Variants in RBFOX1 observed in about 807,000 individuals in gnomAD.
RBFOX1 encodes the protein RNA binding protein fox-1 homolog 1.
A neutral mutation model predicts 57.7 loss-of-function variants in RBFOX1; 8 were observed. That is an observed-to-expected ratio of 0.14 (90% CI 0.08 to 0.25). The LOEUF is 0.25. Ranked by LOEUF, RBFOX1 falls within the 10% of genes least tolerant of loss-of-function variation. RBFOX1 has a pLI of 1.00. For synonymous variants in RBFOX1, 326 were observed against 222.4 expected, an observed-to-expected ratio of 1.47 and a Z score of -4.15; for missense variants, 611 against 548.5, an observed-to-expected ratio of 1.11 and a Z score of -1.14.
At chr16:5,778,868 A>C (rs2054235406) in intron 3 of RBFOX1, among the ~76,000 whole-genome samples, 5 of 152,134 alleles carry the variant, frequency 3.3e-5, no homozygotes, top group Admixed American at 2.6e-4. Flanking sequence ...TGTTATTGTC[A>C]TCTGCCTGAT....
At chr16:5,746,460 T>G (rs2052985956) in intron 3 of RBFOX1, among the ~76,000 whole-genome samples, 1 of 152,220 alleles carries the variant, frequency 6.6e-6, no homozygotes, top group South Asian at 2.1e-4. Flanking sequence ...AAGTAGTTTT[T>G]TCCAATTCTG....
At chr16:5,298,019 C>T (rs925690971) in intron 1 of RBFOX1, among the ~76,000 whole-genome samples, 1 of 148,942 alleles carries the variant, frequency 6.7e-6, no homozygotes. Context: ...ATGTTATTTT[C>T]CCATTGAATT....
intron 1 of RBFOX1, among the ~76,000 whole-genome samples, chr16:6,036,003 T>A (rs1264481857): frequency 2.0e-5 from 3 of 152,212 alleles, no homozygotes; most frequent in African/African-American, 7.2e-5. Context: ...GTGCTTTACA[T>A]ATACTATCAT....
intron 4 of RBFOX1, among the ~76,000 whole-genome samples, chr16:7,080,774 C>G (rs910204374): frequency 6.6e-6 from 1 of 152,210 alleles, no homozygotes; most frequent in Admixed American, 6.5e-5. Context: ...AAGGTATCAT[C>G]ATCATTCATT....
At chr16:6,380,398 A>ATTTT (rs60498960) in intron 2 of RBFOX1, among the ~76,000 whole-genome samples, 10 of 49,160 alleles carry the variant, frequency 2.0e-4, no homozygotes, top group Non-Finnish European at 3.7e-4. Context: ...AATGGTGGGG[A>ATTTT]TTTTTTTTTT....
At chr16:6,799,386 T>C (rs1057176641) in intron 3 of RBFOX1, among the ~76,000 whole-genome samples, 10 of 152,136 alleles carry the variant, frequency 6.6e-5, no homozygotes, top group East Asian at 1.9e-4. Flanking sequence ...AAAAACTGCA[T>C]TGACTTTTGC....
chr16:6,535,416 A>G (rs1270083392), intron 2 of RBFOX1, among the ~76,000 whole-genome samples: 1 of 90,076 alleles, frequency 1.1e-5, no homozygotes, highest in African/African-American at 3.5e-5. Context: ...GCCACCCTAA[A>G]TCACATCAGA....
chr16:6,255,879 CG>C (rs2097658165), intron 1 of RBFOX1, among the ~76,000 whole-genome samples: 1 of 151,114 alleles, frequency 6.6e-6, no homozygotes, highest in Admixed American at 6.6e-5. Flanking sequence ...CGTCACACAC[CG>C]GGGCCTGTAC....
intron 2 of RBFOX1, among the ~76,000 whole-genome samples, chr16:6,411,400 C>T (rs1840232120): frequency 6.6e-6 from 1 of 152,176 alleles, no homozygotes; most frequent in South Asian, 2.1e-4. Context: ...TTTGTGTATT[C>T]CCGATGAACA....
intron 4 of RBFOX1, among the ~76,000 whole-genome samples, chr16:7,498,909 G>A (rs772836032): frequency 1.4e-4 from 21 of 152,150 alleles, no homozygotes; most frequent in Non-Finnish European, 2.4e-4. Context: ...TAGTGTATAA[G>A]CAACAGATTA....
chr16:6,569,500 C>G (rs750251010), intron 2 of RBFOX1, among the ~76,000 whole-genome samples: 18 of 152,188 alleles, frequency 1.2e-4, no homozygotes, highest in Non-Finnish European at 2.4e-4. Flanking sequence ...TTATCCTTCA[C>G]TAGATGGAAG....
intron 2 of RBFOX1, among the ~76,000 whole-genome samples, chr16:6,609,141 A>G (rs904249106): frequency 3.3e-5 from 5 of 152,032 alleles, no homozygotes; most frequent in African/African-American, 1.2e-4. Flanking sequence ...CCCTTTTACC[A>G]TGTCATATGA....
intron 3 of RBFOX1, among the ~76,000 whole-genome samples, chr16:6,794,486 T>G (rs892444105): frequency 6.6e-6 from 1 of 152,156 alleles, no homozygotes; most frequent in Non-Finnish European, 1.5e-5. Context: ...TGTGATTTAA[T>G]GTAATTATTC....
chr16:6,988,190 G>A (rs890605334), intron 3 of RBFOX1, among the ~76,000 whole-genome samples: 4 of 152,106 alleles, frequency 2.6e-5, no homozygotes, highest in African/African-American at 9.7e-5. Context: ...GTGTCCTAAT[G>A]GTAAATCTCC....
intron 3 of RBFOX1, among the ~76,000 whole-genome samples, chr16:5,830,607 G>A (rs574307889): frequency 4.9e-4 from 74 of 152,216 alleles, no homozygotes; most frequent in Non-Finnish European, 7.6e-4. Context: ...TGATCTGGGA[G>A]GTGAGAAAAG....
chr16:6,241,999 A>T (rs1168138902), intron 1 of RBFOX1, among the ~76,000 whole-genome samples: 3 of 152,210 alleles, frequency 2.0e-5, no homozygotes, highest in African/African-American at 7.2e-5. Flanking sequence ...AAGAACATTC[A>T]TATTTTGCAT....
intron 1 of RBFOX1, among the ~76,000 whole-genome samples, chr16:6,244,140 C>G (rs1223353758): frequency 1.3e-5 from 2 of 151,974 alleles, no homozygotes; most frequent in East Asian, 3.9e-4. Flanking sequence ...TAAATACAGT[C>G]TATCACTCCA....
chr16:6,957,110 T>A (rs1035346724), intron 3 of RBFOX1, among the ~76,000 whole-genome samples: 17 of 123,814 alleles, frequency 1.4e-4, no homozygotes, highest in African/African-American at 5.4e-4. Flanking sequence ...ATTTTTTTAT[T>A]TTTATTTTTA....
intron 1 of RBFOX1, among the ~76,000 whole-genome samples, chr16:5,347,593 C>T (rs947232360): frequency 5.3e-5 from 8 of 151,912 alleles, no homozygotes; most frequent in Non-Finnish European, 1.0e-4. Context: ...TCTACCCACC[C>T]ATCCACCCAC....
Sources: allele counts gnomAD v4.1 joint callset (sites outside exome capture counted in the v4.1 genomes callset), GRCh38; gene constraint gnomAD v4.1.1; transcripts MANE v1.5; gene names NCBI Gene and HGNC (gene_info 2026-07-23, HGNC 2026-07-21).